CPA3: variants seen among roughly 807,000 people sequenced by gnomAD.
CPA3 encodes mast cell carboxypeptidase A.
CPA3 carries 52 observed loss-of-function variants against 55.8 expected under a neutral mutation model. The observed-to-expected ratio is 0.93, with a 90% confidence interval of 0.75 to 1.17. CPA3 has a LOEUF of 1.17. CPA3 is among the 50% of genes most tolerant of loss of function. The pLI, the probability that CPA3 is intolerant of heterozygous loss-of-function variation, is 0.00. For missense variants in CPA3, 547 were observed against 509.1 expected (o/e 1.07, Z -0.72); for synonymous variants, 179 against 171.2 (o/e 1.05, Z -0.36).
chr3:148,875,595 T>A (rs1461654916), intron 3 of CPA3, among the ~76,000 whole-genome samples: 1 of 152,160 alleles, frequency 6.6e-6, no homozygotes, highest in Admixed American at 6.5e-5. Context: ...TATCACCTAC[T>A]GATAACAGTG....
chr3:148,888,435 A>T (rs542761208), intron 10 of CPA3, among the ~76,000 whole-genome samples: 1 of 152,388 alleles, frequency 6.6e-6, no homozygotes. Flanking sequence ...AGATCTTGCT[A>T]CAACCTAGCC....
chr3:148,889,869 C>CAAAAAA (rs10693111), intron 10 of CPA3, among the ~76,000 whole-genome samples: 5 of 110,196 alleles, frequency 4.5e-5, no homozygotes, highest in African/African-American at 1.8e-4. Context: ...AACTCCATCT[C>CAAAAAA]AAAAAAAAAA....
chr3:148,871,903 A>T (rs1714078131), intron 3 of CPA3, among the ~76,000 whole-genome samples: 1 of 152,210 alleles, frequency 6.6e-6, no homozygotes, highest in African/African-American at 2.4e-5. Context: ...TATTAATTAT[A>T]TGCATTACTT....
chr3:148,873,784 A>G (rs2108031110), intron 3 of CPA3, among the ~76,000 whole-genome samples: 1 of 152,332 alleles, frequency 6.6e-6, no homozygotes, highest in Admixed American at 6.5e-5. Context: ...CCTTCATAAA[A>G]ACAAGAGCTG....
intron 7 of CPA3, among the ~76,000 whole-genome samples, chr3:148,882,023 T>C (rs1310094923): frequency 6.6e-6 from 1 of 152,066 alleles, no homozygotes; most frequent in Non-Finnish European, 1.5e-5. Context: ...AAAAGAGAGG[T>C]ACAGATACCT....
chr3:148,883,776 T>C lies in CPA3; in HGVS notation c.942T>C (p.Tyr314=). The C allele has an allele frequency of 8.1e-6, 13 of 1,614,114 alleles. No homozygotes were observed. The highest frequency in any genetic ancestry group is 1.1e-5 in the Non-Finnish European group (13 of 1,179,972). ...ACTCCCAGATGCTATTGTTTCCCTA[T>C]GGATATACATCAAAACTGCCACCTA... ...HSYSQMLLFP[Y]GYTSKLPPNH... is the part of the protein sequence containing the mutation. Residue 314 remains tyrosine (Y), a synonymous_variant, in exon 9 of 11, where the codon TAT becomes TAC. Transcript: ENST00000296046.
At chr3:148,874,097 C>T (rs1002583390) in intron 3 of CPA3, among the ~76,000 whole-genome samples, 1 of 152,128 alleles carries the variant, frequency 6.6e-6, no homozygotes, top group African/African-American at 2.4e-5. Context: ...CAGCCTTAGG[C>T]TTAATTTCTA....
At chr3:148,884,620 G>A (rs569240077) in intron 9 of CPA3, among the ~76,000 whole-genome samples, 20 of 152,216 alleles carry the variant, frequency 1.3e-4, no homozygotes, top group African/African-American at 4.1e-4. Flanking sequence ...TCTGACCTCA[G>A]TCCATTGTAT....
chr3:148,879,355 C>T (rs767437051), intron 5 of CPA3, among the ~76,000 whole-genome samples: 1 of 152,160 alleles, frequency 6.6e-6, no homozygotes, highest in Non-Finnish European at 1.5e-5. Context: ...GTATCCAGTA[C>T]TATTTCCCTT....
intron 9 of CPA3, 113 bp downstream of exon 9, chr3:148,883,928 G>C (rs1317328470): frequency 3.9e-6 from 3 of 774,174 alleles, no homozygotes; most frequent in Non-Finnish European, 6.4e-6. Flanking sequence ...TCAAAGAAAA[G>C]AACTAATGAA....
intron 2 of CPA3, 81 bp from the exon 3 acceptor site, chr3:148,868,834 G>A (rs1171570411): frequency 1.4e-5 from 21 of 1,507,832 alleles, no homozygotes; most frequent in East Asian, 1.1e-4. Context: ...CTTTCATGGT[G>A]TATGAGACAT....
intron 10 of CPA3, among the ~76,000 whole-genome samples, 157 bp downstream of exon 10, chr3:148,886,334 G>A (rs1366552014): frequency 1.3e-5 from 2 of 152,026 alleles, no homozygotes; most frequent in African/African-American, 2.4e-5. Flanking sequence ...GTGAATCTAG[G>A]GGATAGATTC....
intron 7 of CPA3, 41 bp downstream of exon 7, chr3:148,881,673 T>C: frequency 7.4e-7 from 1 of 1,354,506 alleles, no homozygotes; most frequent in African/African-American, 1.4e-5. Context: ...AGATATTATT[T>C]GCTGGCTTTA....
chr3:148,875,611 G>A lies in CPA3; in HGVS notation c.270-2830G>A, dbSNP rs999225691. ...ATCACCTACTGATAACAGTGTGTTC[G>A]CTGCTTGCTTTCAGCAAGTCATTTT... On this transcript the variant is annotated intron_variant, in intron 3 of 10. Transcript: ENST00000296046. Among the ~76,000 whole-genome samples, 3 of 151,580 alleles carry A rather than the reference G, an allele frequency of 2.0e-5. No individual in the cohort carries two copies. In the East Asian group the frequency reaches 5.8e-4, roughly 29 times the overall value.
chr3:148,895,230 A>T (rs2108041765), intron 10 of CPA3, among the ~76,000 whole-genome samples: 1 of 152,252 alleles, frequency 6.6e-6, no homozygotes, highest in African/African-American at 2.4e-5. Context: ...GTCCAGCTGG[A>T]TCTCGTTGGT....
rs1457815805 is a variant in CPA3, at chr3:148,878,442, A to G, written c.271A>G (p.Ile91Val). The part of the protein sequence containing the change: ...ALDQNKMHYE[I>V]LIHDLQEEIE... The stretch of plus-strand genomic sequence containing the variant: ...TTTTATCATTCCCCTGTCAAACAGA[A>G]TCTTGATTCATGATCTACAAGAAGA... The change falls in exon 4 of 11, where the codon ATC becomes GTC. Residue 91 changes from isoleucine to valine, a missense_variant and splice_region_variant. Transcript: ENST00000296046. 1 of 1,597,236 alleles carries G rather than the reference A, an allele frequency of 6.3e-7. No individual in the cohort carries two copies. The highest frequency in any genetic ancestry group is 8.6e-7 in the Non-Finnish European group (1 of 1,164,722).
intron 1 of CPA3, 44 bp downstream of exon 1, chr3:148,865,419 T>C: frequency 6.2e-7 from 1 of 1,613,666 alleles, no homozygotes; most frequent in East Asian, 2.2e-5. Flanking sequence ...TAGAAGAGAA[T>C]TAAAGGTTGT....
chr3:148,891,107 G>A (rs937639658), intron 10 of CPA3, among the ~76,000 whole-genome samples: 4 of 152,106 alleles, frequency 2.6e-5, no homozygotes, highest in Admixed American at 2.6e-4. Context: ...TCAGCAAGTT[G>A]CTTAATCTCT....
At position 148,878,507 on chromosome 3, in the gene CPA3, C is replaced by G. The variant is rs1408477146; in HGVS notation, c.336C>G (p.Gly112=). ...TTGATGTTAAAGAAGATATCCCAGG[C>G]AGGCACAGCTACGCAAAATACAATA... ...KQFDVKEDIP[G]RHSYAKYNNW... is the part of the protein sequence containing the mutation. The change falls in exon 4 of 11, where the codon GGC becomes GGG. Residue 112 remains glycine, a synonymous_variant. Transcript: ENST00000296046. The G allele has an allele frequency of 6.2e-7, 1 of 1,613,352 alleles. No individual in the cohort carries two copies. Among genetic ancestry groups the G allele is most frequent in the Non-Finnish European group, 8.5e-7 (1 of 1,179,542 alleles).
Sources: gnomAD v4.1 joint callset for allele counts (sites outside exome capture counted in the v4.1 genomes callset) on GRCh38, gnomAD v4.1.1 for gene constraint, MANE v1.5 for transcripts, NCBI Gene and HGNC (gene_info 2026-07-23, HGNC 2026-07-21) for gene names.